The following BTBD3 variants were observed in gnomAD, a reference collection of about 807,000 sequenced individuals.
The protein encoded by BTBD3 is BTB domain containing 3, also known as BTB/POZ domain-containing protein 3.
Under a neutral mutation model 41.6 loss-of-function variants are expected in BTBD3, and 14 were observed. That is an observed-to-expected ratio of 0.34 (90% CI 0.22 to 0.53). The LOEUF (loss-of-function observed/expected upper bound fraction) is 0.53, where lower values mean the gene tolerates loss of function less well. Among genes scored for constraint, BTBD3 ranks in the 20% least tolerant of loss-of-function variants. The pLI, the probability that BTBD3 is intolerant of heterozygous loss-of-function variation, is 0.95. For synonymous variants in BTBD3, 249 were observed against 233.7 expected (o/e 1.07, Z -0.60); for missense variants, 426 against 654.7 (o/e 0.65, Z 3.81).
rs6109171 is a variant in BTBD3, at chr20:11,895,038, A to G, written c.-126+4084A>G. 4.8e-3 allele frequency among the ~76,000 whole-genome samples: 732 copies of G among 152,266 alleles called. 4 individuals carry two copies. Among genetic ancestry groups the G allele is most frequent in the African/African-American group, 0.017 (702 of 41,540 alleles). On this transcript the variant is annotated intron_variant, in intron 1 of 4. Transcript: ENST00000254977. ...GTACATGGATATGAAGCGCTCCTAT[A>G]CCGCCGCTGCCTCCTCTTCCTTTTC...
At chr20:11,914,799 C>A (rs980092923), upstream of BTBD3, among the ~76,000 whole-genome samples, 1 of 152,078 alleles carries the variant, frequency 6.6e-6, no homozygotes, top group African/African-American at 2.4e-5. Flanking sequence ...GAGTGTATAT[C>A]ATAACATGCT....
intron 1 of BTBD3, among the ~76,000 whole-genome samples, chr20:11,898,670 A>AT (rs904027438): frequency 8.6e-5 from 13 of 151,304 alleles, no homozygotes; most frequent in Non-Finnish European, 1.5e-4. Context: ...GCCTTCTCCA[A>AT]TTTTTTTTTC....
At chr20:11,916,839 T>C (rs931878548), upstream of BTBD3, among the ~76,000 whole-genome samples, 9 of 152,134 alleles carry the variant, frequency 5.9e-5, no homozygotes, top group African/African-American at 2.2e-4. Context: ...GATTAAATAT[T>C]TTAATTAGTC....
At chr20:11,919,437 TA>T (rs1216729766) in intron 2 of BTBD3, 1 of 1,409,488 alleles carries the variant, frequency 7.1e-7, no homozygotes, top group African/African-American at 1.4e-5. Flanking sequence ...AGGAAAGTCG[TA>T]TGTTTACCCT....
intron 1 of BTBD3, 97 bp downstream of exon 1, chr20:11,918,698 C>T (rs952342956): frequency 7.6e-7 from 1 of 1,309,840 alleles, no homozygotes; most frequent in African/African-American, 1.5e-5. Context: ...AAATCTGTTT[C>T]CTCTTTTCCC....
At chr20:11,904,286 G>A (rs898678077) in intron 1 of BTBD3, among the ~76,000 whole-genome samples, 5 of 152,108 alleles carry the variant, frequency 3.3e-5, no homozygotes, top group African/African-American at 9.7e-5. Context: ...ATCTTCACGC[G>A]CTGGCAGGAG....
chr20:11,910,549 T>C (rs558739398), intron 1 of BTBD3: 1 of 152,230 alleles, frequency 6.6e-6, no homozygotes, highest in Non-Finnish European at 1.5e-5. Context: ...CATTGTATTA[T>C]GATAATGTTT....
chr20:11,902,195 C>T (rs1338600998), intron 1 of BTBD3, among the ~76,000 whole-genome samples: 1 of 152,078 alleles, frequency 6.6e-6, no homozygotes, highest in Non-Finnish European at 1.5e-5. Flanking sequence ...ATATTATATA[C>T]TACATTCTTA....
intron 1 of BTBD3, among the ~76,000 whole-genome samples, chr20:11,906,464 A>G (rs754715097): frequency 4.0e-5 from 6 of 151,660 alleles, no homozygotes; most frequent in Non-Finnish European, 5.9e-5. Context: ...GGGTTTCACC[A>G]TGTTGGACAG....
exon 1 of BTBD3, chr20:11,890,892 G>A (rs1030481201): frequency 6.1e-6 from 6 of 985,006 alleles, no homozygotes; most frequent in Non-Finnish European, 6.0e-6. Flanking sequence ...CGGGGCCTGA[G>A]GAGCGGGCAC....
In BTBD3 at chr20:11,918,266, C is replaced by A; in HGVS notation, c.-10C>A. 1 of 1,559,884 alleles carries A rather than the reference C, an allele frequency of 6.4e-7. No individual in the cohort carries two copies. The highest frequency in any genetic ancestry group is 8.6e-7 in the Non-Finnish European group (1 of 1,160,080). ...GGATATCTAACTCTAAAGAGAGACA[C>A]ACTGTACTCATGGTAGATGACAAGG... On this transcript the variant is annotated 5_prime_UTR_variant, in exon 1 of 4. Coordinates refer to ENST00000378226, the MANE Select transcript of BTBD3 (RefSeq NM_014962.4).
At chr20:11,917,259 T>G (rs1183619434), upstream of BTBD3, among the ~76,000 whole-genome samples, 3 of 152,340 alleles carry the variant, frequency 2.0e-5, no homozygotes, top group East Asian at 5.8e-4. Context: ...TATGCTTTAG[T>G]GTACTTAGGT....
intron 1 of BTBD3, among the ~76,000 whole-genome samples, chr20:11,912,025 C>A (rs2056892451): frequency 6.6e-6 from 1 of 152,192 alleles, no homozygotes; most frequent in East Asian, 1.9e-4. Flanking sequence ...TTCCTCCCCA[C>A]CCCCCGCTCA....
At chr20:11,895,182 T>C (rs1024597426) in intron 1 of BTBD3, among the ~76,000 whole-genome samples, 1 of 152,206 alleles carries the variant, frequency 6.6e-6, no homozygotes, top group African/African-American at 2.4e-5. Flanking sequence ...GTTTTAGGTC[T>C]TGCTTCTCTG....
chr20:11,890,874 GC>G (rs2056745621), exon 1 of BTBD3: 1 of 985,012 alleles, frequency 1.0e-6, no homozygotes, highest in South Asian at 4.7e-5. Flanking sequence ...ATCTCCGAGT[GC>G]CCCGGCCGGG....
At chr20:11,899,338 A>G (rs2056809816) in intron 1 of BTBD3, among the ~76,000 whole-genome samples, 1 of 152,192 alleles carries the variant, frequency 6.6e-6, no homozygotes, top group African/African-American at 2.4e-5. Context: ...TCCCTACAGC[A>G]ATCCTTATAG....
At chr20:11,912,306 C>T (rs2056894132) in intron 1 of BTBD3, among the ~76,000 whole-genome samples, 1 of 152,162 alleles carries the variant, frequency 6.6e-6, no homozygotes, top group Non-Finnish European at 1.5e-5. Flanking sequence ...AGTGAATCAG[C>T]CAACAGGTGG....
intron 1 of BTBD3, among the ~76,000 whole-genome samples, chr20:11,895,711 A>G (rs548649757): frequency 1.4e-4 from 22 of 152,292 alleles, no homozygotes; most frequent in African/African-American, 3.8e-4. Flanking sequence ...TTGTCTGCCA[A>G]TGGTCTACAG....
At chr20:11,898,366 C>G (rs1600227752) in intron 1 of BTBD3, among the ~76,000 whole-genome samples, 1 of 152,132 alleles carries the variant, frequency 6.6e-6, no homozygotes, top group Admixed American at 6.5e-5. Context: ...ATCCTACCCC[C>G]CCAGCCACCT....
Sources: allele counts gnomAD v4.1 joint callset (sites outside exome capture counted in the v4.1 genomes callset), GRCh38; gene constraint gnomAD v4.1.1; transcripts MANE v1.5; gene names NCBI Gene and HGNC (gene_info 2026-07-23, HGNC 2026-07-21).